Variants in LINGO2 observed in about 807,000 individuals in gnomAD.
LINGO2 encodes the protein leucine rich repeat and Ig domain containing 2.
Under a neutral mutation model 30.6 loss-of-function variants are expected in LINGO2, and 14 were observed. That is an observed-to-expected ratio of 0.46 (90% CI 0.30 to 0.72). LINGO2 has a LOEUF of 0.72. Ranked by LOEUF, LINGO2 falls within the 30% of genes least tolerant of loss-of-function variation. The pLI is 0.07. For synonymous variants in LINGO2, 317 were observed against 288.5 expected (o/e 1.10, Z -1.00); for missense variants, 729 against 751.7 (o/e 0.97, Z 0.35).
chr9:28,024,064 A>G (rs1259675300), intron 4 of LINGO2, among the ~76,000 whole-genome samples: 3 of 152,066 alleles, frequency 2.0e-5, no homozygotes, highest in Non-Finnish European at 4.4e-5. Flanking sequence ...AATGTCACCA[A>G]TTTTTCAGTT....
chr9:27,956,747 T>C (rs1399399385), intron 5 of LINGO2, among the ~76,000 whole-genome samples: 3 of 152,174 alleles, frequency 2.0e-5, no homozygotes, highest in Admixed American at 2.0e-4. Context: ...GAAGATGATT[T>C]ATTTTCCTCC....
intron 2 of LINGO2, among the ~76,000 whole-genome samples, chr9:28,375,089 A>AAC (rs137914726): frequency 0.024 from 3,389 of 141,654 alleles, 73 homozygotes; most frequent in African/African-American, 0.046. Flanking sequence ...CACACCCCTT[A>AAC]ACACACACAC....
chr9:28,585,174 G>C (rs990504098), intron 1 of LINGO2, among the ~76,000 whole-genome samples: 3 of 151,980 alleles, frequency 2.0e-5, no homozygotes, highest in Non-Finnish European at 4.4e-5. Context: ...GTATATCCCA[G>C]ACAACATTTT....
At chr9:28,844,176 A>C in the LINGO2 span, among the ~76,000 whole-genome samples, 1 of 151,822 alleles carries the variant, frequency 6.6e-6, no homozygotes, top group African/African-American at 2.4e-5. Flanking sequence ...AGCCTGGCCA[A>C]CATGGTGAAA....
intron 4 of LINGO2, among the ~76,000 whole-genome samples, chr9:28,026,539 C>T (rs182998111): frequency 6.6e-6 from 1 of 152,314 alleles, no homozygotes; most frequent in Admixed American, 6.5e-5. Context: ...AAAGTCTTTT[C>T]ATTACTGCAC....
intron 4 of LINGO2, among the ~76,000 whole-genome samples, chr9:28,074,446 A>C (rs1045028026): frequency 3.9e-5 from 6 of 152,170 alleles, no homozygotes; most frequent in African/African-American, 1.4e-4. Flanking sequence ...CATGTCGTAC[A>C]TGCCAGGTAC....
chr9:29,156,001 A>G, the LINGO2 span, among the ~76,000 whole-genome samples: 189 of 152,246 alleles, frequency 1.2e-3, no homozygotes, highest in African/African-American at 4.3e-3. Context: ...CTTTCTTACC[A>G]TAACATTCCA....
chr9:28,238,827 A>AATATG (rs1564066906), intron 4 of LINGO2, among the ~76,000 whole-genome samples: 1 of 151,224 alleles, frequency 6.6e-6, no homozygotes, highest in African/African-American at 2.4e-5. Context: ...GAAAATAAAT[A>AATATG]ACAGATAAAT....
intron 1 of LINGO2, among the ~76,000 whole-genome samples, chr9:28,639,402 C>G (rs961611178): frequency 3.9e-5 from 6 of 151,998 alleles, no homozygotes; most frequent in Non-Finnish European, 7.4e-5. Context: ...ATTGATCTGT[C>G]TAATGTTGAC....
chr9:28,384,329 C>CCATATATATATATATATATA (rs1554714422), intron 2 of LINGO2, among the ~76,000 whole-genome samples: 2 of 123,338 alleles, frequency 1.6e-5, no homozygotes, highest in Non-Finnish European at 1.7e-5. Flanking sequence ...ATGTTATGCA[C>CCATATATATATATATATATA]TATATATATA....
intron 4 of LINGO2, among the ~76,000 whole-genome samples, chr9:28,106,170 G>A (rs898760150): frequency 1.3e-5 from 2 of 152,044 alleles, no homozygotes; most frequent in East Asian, 1.9e-4. Flanking sequence ...TTACCCCTCC[G>A]AGTCCGTGGA....
At chr9:28,500,411 A>G (rs1354357879) in intron 1 of LINGO2, among the ~76,000 whole-genome samples, 1 of 152,228 alleles carries the variant, frequency 6.6e-6, no homozygotes, top group Non-Finnish European at 1.5e-5. Context: ...AATATTCACT[A>G]GAATTCTCAA....
chr9:28,077,714 C>G (rs1825666422), intron 4 of LINGO2, among the ~76,000 whole-genome samples: 1 of 148,084 alleles, frequency 6.8e-6, no homozygotes, highest in Non-Finnish European at 1.5e-5. Context: ...AAATAAAAAC[C>G]AAAACCCACT....
At chr9:28,353,306 GA>G in intron 3 of LINGO2, among the ~76,000 whole-genome samples, 1 of 148,772 alleles carries the variant, frequency 6.7e-6, no homozygotes, top group Non-Finnish European at 1.5e-5. Context: ...AAATTTACAA[GA>G]AAAAAACAAA....
chr9:28,976,378 T>C, the LINGO2 span, among the ~76,000 whole-genome samples: 1 of 152,180 alleles, frequency 6.6e-6, no homozygotes, highest in Non-Finnish European at 1.5e-5. Flanking sequence ...TTTAGTCCAT[T>C]CATTGTCATA....
chr9:28,427,508 G>T (rs1823462530), intron 2 of LINGO2, among the ~76,000 whole-genome samples: 1 of 152,096 alleles, frequency 6.6e-6, no homozygotes, highest in Admixed American at 6.5e-5. Context: ...TTACATATGA[G>T]AAAACTGAGG....
the LINGO2 span, among the ~76,000 whole-genome samples, chr9:29,075,395 C>A: frequency 0.43 from 65,797 of 151,854 alleles, 14,492 homozygotes; most frequent in East Asian, 0.54. Flanking sequence ...AAATATATCT[C>A]AGATGGATAT....
At chr9:28,696,898 C>G in the LINGO2 span, among the ~76,000 whole-genome samples, 2 of 151,848 alleles carry the variant, frequency 1.3e-5, no homozygotes, top group African/African-American at 4.8e-5. Flanking sequence ...TTGTGCTATA[C>G]AAGTGACATG....
the LINGO2 span, among the ~76,000 whole-genome samples, chr9:29,065,540 G>A: frequency 6.6e-6 from 1 of 151,916 alleles, no homozygotes; most frequent in African/African-American, 2.4e-5. Flanking sequence ...TTCCCCCATT[G>A]CTTGTTATTG....
Sources: gnomAD v4.1 joint callset for allele counts (sites outside exome capture counted in the v4.1 genomes callset) on GRCh38, gnomAD v4.1.1 for gene constraint, MANE v1.5 for transcripts, NCBI Gene and HGNC (gene_info 2026-07-23, HGNC 2026-07-21) for gene names.